SLC22A9: variants seen among roughly 807,000 people sequenced by gnomAD.
The protein encoded by SLC22A9 is solute carrier family 22 member 9, also known as organic anion transporter 7.
A neutral mutation model predicts 50.1 loss-of-function variants in SLC22A9; 64 were observed. The observed-to-expected ratio is 1.28, with a 90% CI of 1.04 to 1.57. The LOEUF (loss-of-function observed/expected upper bound fraction) is 1.57, where lower values mean the gene tolerates loss of function less well. Ranked by LOEUF, SLC22A9 falls within the 40% of genes most tolerant of loss-of-function variation. The pLI, the probability that SLC22A9 is intolerant of heterozygous loss-of-function variation, is 0.00. For synonymous variants in SLC22A9, 261 were observed against 242.5 expected, an observed-to-expected ratio of 1.08 and a Z score of -0.71; for missense variants, 757 against 676.1, an observed-to-expected ratio of 1.12 and a Z score of -1.33.
chr11:63,373,749 C>A lies in SLC22A9; in HGVS notation c.612C>A (p.Phe204Leu). 6.2e-7 allele frequency: 1 copy of A among 1,613,418 alleles called. No homozygotes were observed. Among genetic ancestry groups the A allele is most frequent in the Non-Finnish European group, 8.5e-7 (1 of 1,179,620 alleles). ...PTFLIYCSLR[F>L]LSGIAAMSLI... is the part of the protein sequence containing the mutation. ...TCCTCATTTACTGCTCACTACGCTT[C>A]TTGTCTGGGATTGCTGCAATGAGCC... The change falls in exon 3 of 10, where the codon TTC (phenylalanine) becomes TTA (leucine). Residue 204 changes from phenylalanine to leucine, a missense_variant. Phe to Leu is a conservative substitution (Grantham distance 22, BLOSUM62 0). Transcript: ENST00000279178.
In SLC22A9 at chr11:63,408,767, C is replaced by G; in HGVS notation, c.1489C>G (p.Leu497Val). 6.2e-7 allele frequency: 1 copy of G among 1,614,042 alleles called. No homozygotes were observed. Among genetic ancestry groups the G allele is most frequent in the Non-Finnish European group, 8.5e-7 (1 of 1,179,946 alleles). ...MMILSVYSPP[L>V]PWIIYGVFPF... The stretch of plus-strand genomic sequence containing the variant: ...GATCCTAAGTGTGTATTCTCCACCC[C>G]TGCCCTGGATCATCTATGGAGTCTT... The change falls in exon 9 of 10, where the codon CTG (leucine) becomes GTG (valine). Residue 497 changes from leucine (L) to valine (V), a missense_variant. Physicochemically the swap from Leu to Val is conservative, Grantham distance 32. Transcript: ENST00000279178.
chr11:63,407,811 T>C (rs1386119118), intron 7 of SLC22A9, among the ~76,000 whole-genome samples: 3 of 152,188 alleles, frequency 2.0e-5, no homozygotes, highest in African/African-American at 7.2e-5. Context: ...CTGGACGGAA[T>C]AAATGAAAAA....
At chr11:63,409,728 TG>T in intron 9 of SLC22A9, 73 bp from the exon 10 acceptor site, 1 of 1,423,920 alleles carries the variant, frequency 7.0e-7, no homozygotes, top group Non-Finnish European at 9.8e-7. Flanking sequence ...CCTTAAAGAA[TG>T]CGGGACTTAC....
At chr11:63,371,102 A>G (rs1446534761) in intron 1 of SLC22A9, 33 bp from the exon 2 acceptor site, 4 of 1,498,338 alleles carry the variant, frequency 2.7e-6, no homozygotes, top group Non-Finnish European at 9.3e-7. Context: ...GAGGGGTAAT[A>G]AGCATTGATG....
At position 63,375,031 on chromosome 11, in the gene SLC22A9, T is replaced by C. The variant is rs1315543384; in HGVS notation, c.831-614T>C. Among the ~76,000 whole-genome samples, 4 of 152,262 alleles carry C rather than the reference T, an allele frequency of 2.6e-5. No individual in the cohort carries two copies. The East Asian group carries it at 5.8e-4, about 22-fold the overall frequency. ...TTTACCTTAGAGAGATGATTACAGA[T>C]TTAATACAGAGAGAAGAGTTCAGAT... On this transcript the variant is annotated intron_variant, in intron 4 of 9. Coordinates refer to ENST00000279178, the MANE Select transcript of SLC22A9 (RefSeq NM_080866.3).
Position 63,373,817 on chromosome 11 carries a change from T to C in SLC22A9, c.661+19T>C, listed in dbSNP as rs2119868644. On this transcript the variant is annotated intron_variant, in intron 3 of 9. Coordinates refer to ENST00000279178, the MANE Select transcript of SLC22A9 (RefSeq NM_080866.3). ...ATGTTAAGTAAGCCAACACTTTGGA[T>C]CCACATTTTCCAAACTGTGACTTTG... 1 of 1,604,268 alleles carries C rather than the reference T, an allele frequency of 6.2e-7. No homozygotes were observed. Among genetic ancestry groups the C allele is most frequent in the East Asian group, 2.2e-5 (1 of 44,758 alleles).
At chr11:63,406,390 C>T in intron 6 of SLC22A9, 107 bp from the exon 7 acceptor site, 1 of 925,336 alleles carries the variant, frequency 1.1e-6, no homozygotes, top group African/African-American at 1.7e-5. Context: ...ATAGACCCAG[C>T]CTTTATACTT....
At chr11:63,399,614 C>T (rs2014920602) in intron 6 of SLC22A9, among the ~76,000 whole-genome samples, 1 of 152,042 alleles carries the variant, frequency 6.6e-6, no homozygotes, top group African/African-American at 2.4e-5. Context: ...ATTTCAACAA[C>T]CAACATTCTG....
Position 63,370,137 on chromosome 11 carries a change from T to G in SLC22A9, c.81T>G (p.Phe27Leu). 1.9e-6 allele frequency: 3 copies of G among 1,614,098 alleles called. No homozygotes were observed. Residue 27 changes from phenylalanine (F) to leucine (L), a missense_variant, in exon 1 of 10, where the codon TTT becomes TTG. By Grantham distance (22) the Phe-to-Leu change is conservative. Coordinates refer to ENST00000279178, the MANE Select transcript of SLC22A9 (RefSeq NM_080866.3). ...TTCAGACTGTTTTTCTCTCAATCTT[T>G]GCTGTTGCTACATACCTTCATTTTA... The part of the protein sequence containing the change: ...QILQTVFLSI[F>L]AVATYLHFML...
chr11:63,378,013 C>G (rs548927651), intron 5 of SLC22A9, among the ~76,000 whole-genome samples: 16 of 152,056 alleles, frequency 1.1e-4, no homozygotes, highest in African/African-American at 3.9e-4. Context: ...AATTGAAACC[C>G]TGTATAAACC....
intron 6 of SLC22A9, among the ~76,000 whole-genome samples, chr11:63,390,991 G>T (rs1041698662): frequency 1.3e-5 from 2 of 152,040 alleles, no homozygotes; most frequent in South Asian, 4.1e-4. Flanking sequence ...TTCTTTTGCT[G>T]TATCCCGTAG....
Position 63,408,818 on chromosome 11 carries a change from C to T in SLC22A9, c.1540C>T (p.Leu514Phe), listed in dbSNP as rs577311665. 8.7e-6 allele frequency: 14 copies of T among 1,613,976 alleles called. No individual in the cohort carries two copies. In the South Asian group the frequency reaches 1.3e-4, roughly 15 times the overall value. ...VFPFISGFAF[L>F]LLPETRNKPL... ...CCCCTTCATCTCTGGCTTTGCTTTC[C>T]TCCTCCTTCCTGAAACCAGGAACAA... The change falls in exon 9 of 10, where the codon CTC (leucine) becomes TTC (phenylalanine). Residue 514 changes from leucine (L) to phenylalanine (F), a missense_variant. Coordinates refer to ENST00000279178, the MANE Select transcript of SLC22A9 (RefSeq NM_080866.3).
intron 9 of SLC22A9, 21 bp downstream of exon 9, chr11:63,408,900 C>T (rs1209296728): frequency 1.9e-6 from 3 of 1,611,904 alleles, no homozygotes; most frequent in East Asian, 4.5e-5. Flanking sequence ...AGCCCGGTTG[C>T]CCCTCAGAGG....
chr11:63,390,456 T>A (rs2014744146), intron 6 of SLC22A9, among the ~76,000 whole-genome samples: 1 of 152,200 alleles, frequency 6.6e-6, no homozygotes, highest in African/African-American at 2.4e-5. Flanking sequence ...TGCTTGTTTT[T>A]GCCAGGTTTG....
At chr11:63,409,438 TAAAA>T (rs10570779) in intron 9 of SLC22A9, among the ~76,000 whole-genome samples, 214 of 146,926 alleles carry the variant, frequency 1.5e-3, no homozygotes, top group African/African-American at 4.7e-3. Flanking sequence ...TCTGATGAGC[TAAAA>T]AAAAAAAAAA....
intron 6 of SLC22A9, among the ~76,000 whole-genome samples, chr11:63,396,566 C>T (rs1010828947): frequency 2.0e-5 from 3 of 152,142 alleles, no homozygotes; most frequent in Admixed American, 1.3e-4. Flanking sequence ...CCTGCAGGAG[C>T]AGTCGGCTTC....
rs767275741 is a variant in SLC22A9 at position 63,408,228 on chromosome 11, A to G, written c.1397+8A>G. The G allele has an allele frequency of 1.2e-6, 2 of 1,607,380 alleles. No individual in the cohort carries two copies. The highest frequency in any genetic ancestry group is 3.3e-5 in the Admixed American group (2 of 59,906). On this transcript the variant is annotated splice_region_variant and intron_variant, in intron 8 of 9. Transcript: ENST00000279178. Reference sequence around the variant, plus strand: ...AATTCCCACCATAATCAGGTACAGAACCTTAAGTATGCCCTGTCAGGTTCA... The same window carrying G: ...AATTCCCACCATAATCAGGTACAGAGCCTTAAGTATGCCCTGTCAGGTTCA...
chr11:63,375,564 G>A (rs1012760306), intron 4 of SLC22A9, 81 bp from the exon 5 acceptor site: 4 of 1,546,832 alleles, frequency 2.6e-6, no homozygotes, highest in Non-Finnish European at 2.6e-6. Flanking sequence ...AGCTTGGAGG[G>A]AGAAGACATC....
chr11:63,370,276 A>G lies in SLC22A9; in HGVS notation c.220A>G (p.Arg74Gly). 1 of 1,614,040 alleles carries G rather than the reference A, an allele frequency of 6.2e-7. No individual in the cohort carries two copies. The highest frequency in any genetic ancestry group is 2.2e-5 in the East Asian group (1 of 44,880). Residue 74 changes from arginine to glycine, a missense_variant, in exon 1 of 10, where the codon AGA becomes GGA. Transcript: ENST00000279178. ...GGCCCTCAGCCAAGATGCACTCTTGAGAATCTCCATCCCACTGGACTCAAA... is the reference window on the plus strand; with the variant it reads ...GGCCCTCAGCCAAGATGCACTCTTGGGAATCTCCATCCCACTGGACTCAAA... ...TGALSQDALL[R>G]ISIPLDSNMR...
Sources: allele counts gnomAD v4.1 joint callset (sites outside exome capture counted in the v4.1 genomes callset), GRCh38; gene constraint gnomAD v4.1.1; transcripts MANE v1.5; gene names NCBI Gene and HGNC (gene_info 2026-07-23, HGNC 2026-07-21).